Variants in MLKL observed in about 807,000 individuals in gnomAD.
MLKL encodes the protein mixed lineage kinase domain like pseudokinase.
A neutral mutation model predicts 56.5 loss-of-function variants in MLKL; 55 were observed. The ratio of observed to expected loss-of-function variants is 0.97; its 90% CI spans 0.78 to 1.22. The LOEUF is 1.22. Ranked by LOEUF, MLKL falls within the 50% of genes most tolerant of loss-of-function variation. The pLI is 0.00. For synonymous variants in MLKL, 251 were observed against 208.3 expected, an observed-to-expected ratio of 1.20 and a Z score of -1.76; for missense variants, 694 against 573.9, an observed-to-expected ratio of 1.21 and a Z score of -2.14.
intron 4 of MLKL, among the ~76,000 whole-genome samples, chr16:74,690,850 T>G (rs1209251216): frequency 7.8e-6 from 1 of 127,454 alleles, no homozygotes; most frequent in Non-Finnish European, 1.6e-5. Flanking sequence ...CAGACAGAAA[T>G]TAAGGAGTCC....
chr16:74,675,201 A>G, intron 9 of MLKL, 101 bp from the exon 10 acceptor site: 1 of 1,558,244 alleles, frequency 6.4e-7, no homozygotes, highest in Non-Finnish European at 8.7e-7. Context: ...CTGAGTATGG[A>G]AACAACAAGA....
intron 4 of MLKL, among the ~76,000 whole-genome samples, chr16:74,687,584 G>C (rs138527663): frequency 5.3e-5 from 8 of 152,208 alleles, no homozygotes; most frequent in African/African-American, 1.7e-4. Context: ...AATGAAGACA[G>C]TATAGTGCTA....
At chr16:74,697,778 C>T (rs1489460073) in intron 1 of MLKL, among the ~76,000 whole-genome samples, 1 of 151,910 alleles carries the variant, frequency 6.6e-6, no homozygotes, top group Non-Finnish European at 1.5e-5. Flanking sequence ...ATGATGACAC[C>T]ACTGCACTCC....
chr16:74,675,181 A>G (rs943968278), intron 9 of MLKL, 81 bp from the exon 10 acceptor site: 74 of 1,577,350 alleles, frequency 4.7e-5, no homozygotes, highest in Middle Eastern at 3.4e-4. Context: ...TGGCATCAGA[A>G]CTAGGGACTC....
intron 1 of MLKL, 59 bp from the exon 2 acceptor site, chr16:74,695,818 G>T: frequency 7.0e-7 from 1 of 1,425,314 alleles, no homozygotes; most frequent in South Asian, 1.4e-5. Context: ...TTCACTACTT[G>T]GCTAAGAAAG....
Position 74,687,964 on chromosome 16 carries a change from T to G in MLKL, c.723-2381A>C, listed in dbSNP as rs540969092. On this transcript the variant is annotated intron_variant, in intron 4 of 10. Coordinates refer to ENST00000308807, the MANE Select transcript of MLKL (RefSeq NM_152649.4). ...CCTCAGCCTCCTGAGTAGCTGGGAC[T>G]ACAGGTGCCCGCCACCACACCTGGC... is the stretch of plus-strand genomic sequence containing the variant. 8.5e-5 allele frequency among the ~76,000 whole-genome samples: 13 copies of G among 152,310 alleles called. No individual in the cohort carries two copies. In the East Asian group the frequency reaches 2.5e-3, roughly 29 times the overall value.
chr16:74,677,226 G>C (rs536919850), intron 7 of MLKL: 2 of 152,160 alleles, frequency 1.3e-5, no homozygotes, highest in East Asian at 3.9e-4. Flanking sequence ...CCAATTTTTT[G>C]TATTGTTTAG....
intron 5 of MLKL, among the ~76,000 whole-genome samples, chr16:74,684,950 C>T (rs1366684815): frequency 2.0e-5 from 3 of 151,816 alleles, no homozygotes; most frequent in East Asian, 1.9e-4. Flanking sequence ...CTGCAACCTC[C>T]GCTTCCCAGG....
At chr16:74,683,152 T>G in intron 5 of MLKL, among the ~76,000 whole-genome samples, 1 of 152,018 alleles carries the variant, frequency 6.6e-6, no homozygotes, top group East Asian at 1.9e-4. Flanking sequence ...CTACTAAAAA[T>G]ACAAAAATTA....
rs1184491414 is a variant in MLKL at position 74,680,939 on chromosome 16, T to G, written c.956+1712A>C. ...TTTAATTACATTGTTTTGGTTTCAT[T>G]TGTGGTTACCTATTTTTGGCAAGTG... On this transcript the variant is annotated intron_variant, in intron 6 of 10. Transcript: ENST00000308807. Among the ~76,000 whole-genome samples the G allele has an allele frequency of 2.0e-5, 3 of 152,230 alleles. No individual in the cohort carries two copies. In the East Asian group the frequency reaches 5.8e-4, roughly 29 times the overall value.
chr16:74,694,194 G>C (rs1382852703), intron 2 of MLKL, among the ~76,000 whole-genome samples: 1 of 152,084 alleles, frequency 6.6e-6, no homozygotes, highest in Non-Finnish European at 1.5e-5. Context: ...TCTCCAGAAG[G>C]GTATTCAAGA....
At chr16:74,678,060 G>C (rs1478010865) in intron 7 of MLKL, 1 of 152,284 alleles carries the variant, frequency 6.6e-6, no homozygotes, top group Non-Finnish European at 1.5e-5. Flanking sequence ...TACCAGAGAT[G>C]CTGACTCCTG....
In MLKL at chr16:74,695,647, G is replaced by T. The variant is rs1960991593; in HGVS notation, c.111C>A (p.Gly37=). 6.2e-7 allele frequency: 1 copy of T among 1,614,038 alleles called. No homozygotes were observed. Among genetic ancestry groups the T allele is most frequent in the African/African-American group, 1.3e-5 (1 of 74,926 alleles). ...QCRRLGHRVL[G]LIKPLEMLQD... ...GGAGCATCTCCAGAGGCTTGATCAG[G>T]CCGAGGACGCGGTGGCCCAGGCGCC... Residue 37 remains glycine, a synonymous_variant, in exon 2 of 11, where the codon GGC becomes GGA. Transcript: ENST00000308807.
intron 4 of MLKL, among the ~76,000 whole-genome samples, chr16:74,686,962 G>T (rs757706443): frequency 6.6e-6 from 1 of 152,156 alleles, no homozygotes; most frequent in Non-Finnish European, 1.5e-5. Context: ...ATTGTTGAAA[G>T]AATTTTGTTT....
chr16:74,687,120 C>A (rs372367923), intron 4 of MLKL, among the ~76,000 whole-genome samples: 1 of 151,928 alleles, frequency 6.6e-6, no homozygotes, highest in Non-Finnish European at 1.5e-5. Context: ...GGATTACAGG[C>A]GCTTGCTACC....
At chr16:74,679,429 T>G (rs1384972154) in intron 6 of MLKL, among the ~76,000 whole-genome samples, 1 of 152,190 alleles carries the variant, frequency 6.6e-6, no homozygotes, top group Non-Finnish European at 1.5e-5. Flanking sequence ...CAGGTTGGGT[T>G]GCACTCATGG....
At chr16:74,693,477 A>AAAAGAAAGAAAGAAAG (rs373622678) in intron 2 of MLKL, among the ~76,000 whole-genome samples, 220 of 124,602 alleles carry the variant, frequency 1.8e-3, no homozygotes, top group East Asian at 7.7e-3. Context: ...AAGAAAAGAA[A>AAAAGAAAGAAAGAAAG]AAAGAAAGAA....
At chr16:74,673,562 A>T (rs575638149) in intron 10 of MLKL, among the ~76,000 whole-genome samples, 2 of 152,078 alleles carry the variant, frequency 1.3e-5, no homozygotes, top group African/African-American at 4.8e-5. Context: ...TGGGAGATTT[A>T]GGTCTAGGGT....
rs1316315605 is a variant in MLKL, at chr16:74,691,282, G to T, written c.717C>A (p.Ser239Arg). Residue 239 changes from serine (S) to arginine (R), a missense_variant, in exon 4 of 11, where the codon AGC becomes AGA. Coordinates refer to ENST00000308807, the MANE Select transcript of MLKL (RefSeq NM_152649.4). Reference protein sequence around the residue: ...IKVFKKLQAGSIAIVRQTFNK... With the variant: ...IKVFKKLQAGRIAIVRQTFNK... Reference sequence around the variant, plus strand: ...AACCACACAAAACAACTTACGCAATGCTGCCAGCCTGGAGTTTTTTGAATA... The same window carrying T: ...AACCACACAAAACAACTTACGCAATTCTGCCAGCCTGGAGTTTTTTGAATA... 7.5e-6 allele frequency: 12 copies of T among 1,610,104 alleles called. No individual in the cohort carries two copies. Among genetic ancestry groups the T allele is most frequent in the Non-Finnish European group, 1.0e-5 (12 of 1,178,556 alleles).
Sources: allele counts gnomAD v4.1 joint callset (sites outside exome capture counted in the v4.1 genomes callset), GRCh38; gene constraint gnomAD v4.1.1; transcripts MANE v1.5; gene names NCBI Gene and HGNC (gene_info 2026-07-23, HGNC 2026-07-21).